The following LRP1B variants were observed in gnomAD, a reference collection of about 807,000 sequenced individuals.
The protein encoded by LRP1B is LDL receptor related protein 1B, also known as low-density lipoprotein receptor-related protein 1B.
In LRP1B, 217 loss-of-function variants were observed where a neutral mutation model predicts 556.6. That is an observed-to-expected ratio of 0.39 (90% confidence interval 0.35 to 0.44). The LOEUF (loss-of-function observed/expected upper bound fraction) is 0.44, where lower values mean the gene tolerates loss of function less well. Among genes scored for constraint, LRP1B ranks in the 20% least tolerant of loss-of-function variants. LRP1B has a pLI of 1.00. For missense variants in LRP1B, 5,053 were observed against 5,620.8 expected (o/e 0.90, Z 3.23); for synonymous variants, 2,047 against 1,865.8 (o/e 1.10, Z -2.50).
intron 2 of LRP1B, among the ~76,000 whole-genome samples, chr2:141,728,137 A>G (rs1693114749): frequency 6.6e-6 from 1 of 152,194 alleles, no homozygotes; most frequent in African/African-American, 2.4e-5. Flanking sequence ...AGGAAGAGGA[A>G]CTTGCAAAGA....
intron 6 of LRP1B, among the ~76,000 whole-genome samples, chr2:141,228,093 A>AT (rs1376195761): frequency 1.3e-5 from 2 of 151,906 alleles, no homozygotes; most frequent in African/African-American, 2.4e-5. Context: ...TGCCTGGCTA[A>AT]TTTTTTATTT....
At chr2:141,678,686 AAAC>A (rs1256663123) in intron 2 of LRP1B, among the ~76,000 whole-genome samples, 18 of 152,334 alleles carry the variant, frequency 1.2e-4, no homozygotes, top group Non-Finnish European at 2.6e-4. Context: ...AGAATAAAAC[AAAC>A]ATTATTCAAC....
At chr2:141,740,464 G>A (rs887269960) in intron 2 of LRP1B, among the ~76,000 whole-genome samples, 24 of 152,164 alleles carry the variant, frequency 1.6e-4, no homozygotes, top group African/African-American at 5.5e-4. Flanking sequence ...ATTTTTGTGG[G>A]TACATAGTAG....
intron 35 of LRP1B, among the ~76,000 whole-genome samples, chr2:140,747,749 C>A (rs80293235): frequency 0.023 from 3,441 of 151,964 alleles, 57 homozygotes; most frequent in Non-Finnish European, 0.033. Flanking sequence ...TAAATGGAAA[C>A]AAGAATGGTT....
At chr2:142,031,855 G>A (rs1310308997) in intron 1 of LRP1B, among the ~76,000 whole-genome samples, 1 of 151,720 alleles carries the variant, frequency 6.6e-6, no homozygotes, top group African/African-American at 2.4e-5. Context: ...GGAGTAGAAT[G>A]GGCCCCTAAT....
intron 7 of LRP1B, among the ~76,000 whole-genome samples, chr2:141,165,757 T>C (rs1231319102): frequency 1.3e-5 from 2 of 152,044 alleles, no homozygotes; most frequent in East Asian, 3.9e-4. Context: ...ATATGTATGA[T>C]TAAATTCATA....
chr2:141,890,395 A>ATATATATACATATGTATTGTG (rs1699256054), intron 1 of LRP1B, among the ~76,000 whole-genome samples: 1 of 122,542 alleles, frequency 8.2e-6, no homozygotes, highest in South Asian at 2.3e-4. Context: ...TATATAGTGT[A>ATATATATACATATGTATTGTG]TATATATATA....
chr2:140,976,490 CT>C (rs796340223), intron 18 of LRP1B, among the ~76,000 whole-genome samples: 135 of 116,508 alleles, frequency 1.2e-3, no homozygotes, highest in Non-Finnish European at 1.3e-3. Context: ...ATTGAACTAT[CT>C]TTTTTTTTTT....
At chr2:140,737,095 G>T (rs1484532678) in intron 35 of LRP1B, among the ~76,000 whole-genome samples, 1 of 152,098 alleles carries the variant, frequency 6.6e-6, no homozygotes, top group Non-Finnish European at 1.5e-5. Context: ...CCAGAGGGTG[G>T]TTGCCCCAAT....
chr2:141,324,127 C>G (rs1346196463), intron 3 of LRP1B, among the ~76,000 whole-genome samples: 1 of 150,772 alleles, frequency 6.6e-6, no homozygotes, highest in East Asian at 2.0e-4. Flanking sequence ...CACACACACA[C>G]ACACATACAC....
rs72988199 is a variant in LRP1B, at chr2:140,882,857, T to C, written c.4169+960A>G. 2.5e-3 allele frequency among the ~76,000 whole-genome samples: 387 copies of C among 152,284 alleles called. 1 individual carries two copies. Among genetic ancestry groups the C allele is most frequent in the African/African-American group, 9.0e-3 (374 of 41,574 alleles). On this transcript the variant is annotated intron_variant, in intron 25 of 90. Coordinates refer to ENST00000389484, the MANE Select transcript of LRP1B (RefSeq NM_018557.3). ...AGCTCCTCTCTCATTGAAGCACTCATTGGTGCTCCCTGGACTTGATATTAC... is the reference window on the plus strand; with the variant it reads ...AGCTCCTCTCTCATTGAAGCACTCACTGGTGCTCCCTGGACTTGATATTAC...
At chr2:140,683,703 G>A in intron 41 of LRP1B, 1 of 727,150 alleles carries the variant, frequency 1.4e-6, no homozygotes, top group South Asian at 1.5e-5. Context: ...GGGCTGGACT[G>A]TCATTAGAGA....
At chr2:140,872,853 A>G (rs1460336016) in intron 25 of LRP1B, among the ~76,000 whole-genome samples, 1 of 151,058 alleles carries the variant, frequency 6.6e-6, no homozygotes, top group Non-Finnish European at 1.5e-5. Flanking sequence ...TAAGACAAGA[A>G]AAAAAAAAGG....
At chr2:140,700,693 T>C (rs1037888172) in intron 40 of LRP1B, 72 bp from the exon 41 acceptor site, 24 of 1,467,016 alleles carry the variant, frequency 1.6e-5, no homozygotes, top group Middle Eastern at 1.8e-4. Context: ...AAATTCTCCA[T>C]AAAGAAATAT....
At chr2:142,020,943 T>C (rs984814338) in intron 1 of LRP1B, among the ~76,000 whole-genome samples, 4 of 152,194 alleles carry the variant, frequency 2.6e-5, no homozygotes, top group Non-Finnish European at 4.4e-5. Flanking sequence ...TAGACACTAA[T>C]TGCAAAGTTG....
At chr2:141,311,703 T>C (rs1329346586) in intron 3 of LRP1B, among the ~76,000 whole-genome samples, 1 of 152,194 alleles carries the variant, frequency 6.6e-6, no homozygotes, top group African/African-American at 2.4e-5. Flanking sequence ...TGTCATGTGA[T>C]ACCTTCCACT....
In LRP1B at chr2:141,865,591, C is replaced by CAA. The variant is rs78227528; in HGVS notation, c.83-55192_83-55191dup. Among the ~76,000 whole-genome samples, 400 of 43,116 alleles carry CAA rather than the reference C, an allele frequency of 9.3e-3. 7 individuals carry two copies. Among genetic ancestry groups the CAA allele is most frequent in the Non-Finnish European group, 0.013 (235 of 18,242 alleles). 28.3% of individuals were successfully genotyped at this position (43,116 alleles called of 152,430 possible). ...TGGGCGACAGAGCGAGACTCCGTCT[C>CAA]AAAAAAAAAAAAAAAAGAAAAAAAA... On this transcript the variant is annotated intron_variant, in intron 1 of 90. Transcript: ENST00000389484.
At chr2:140,966,172 CA>C (rs1696215472) in intron 18 of LRP1B, among the ~76,000 whole-genome samples, 1 of 152,218 alleles carries the variant, frequency 6.6e-6, no homozygotes, top group Non-Finnish European at 1.5e-5. Context: ...GTCCCACCAA[CA>C]GTGTAAAAGT....
chr2:141,331,522 C>CTTTTCTTTCTTTCCT, intron 3 of LRP1B, among the ~76,000 whole-genome samples: 2 of 140,824 alleles, frequency 1.4e-5, no homozygotes, highest in Middle Eastern at 3.6e-3. Flanking sequence ...TTCTTTCTTT[C>CTTTTCTTTCTTTCCT]TCTTTCTTTC....
Sources: allele counts gnomAD v4.1 joint callset (sites outside exome capture counted in the v4.1 genomes callset), GRCh38; gene constraint gnomAD v4.1.1; transcripts MANE v1.5; gene names NCBI Gene and HGNC (gene_info 2026-07-23, HGNC 2026-07-21).